Variants in SLC18A1 observed in about 807,000 individuals in gnomAD.
SLC18A1 encodes the protein solute carrier family 18 member A1.
SLC18A1 carries 69 observed loss-of-function variants against 53.7 expected under a neutral mutation model. That is an observed-to-expected ratio of 1.28 (90% CI 1.06 to 1.57). The LOEUF (loss-of-function observed/expected upper bound fraction) is 1.57. Among genes scored for constraint, SLC18A1 ranks in the 40% most tolerant of loss-of-function variants. The probability of loss-of-function intolerance (pLI) is 0.00; values close to 1 mark genes in which losing one functional copy is unlikely to be tolerated. For synonymous variants in SLC18A1, 320 were observed against 248.1 expected (o/e 1.29, Z -2.72); for missense variants, 932 against 668.1 (o/e 1.40, Z -4.35).
chr8:20,166,179 T>G (rs867072969), intron 8 of SLC18A1, among the ~76,000 whole-genome samples: 39 of 151,308 alleles, frequency 2.6e-4, no homozygotes, highest in African/African-American at 8.7e-4. Context: ...ATTACAGCAC[T>G]ATTTATAACT....
At chr8:20,159,051 C>A (rs909259826) in intron 10 of SLC18A1, among the ~76,000 whole-genome samples, 3 of 152,134 alleles carry the variant, frequency 2.0e-5, no homozygotes, top group Non-Finnish European at 4.4e-5. Flanking sequence ...TTGTCTCTTC[C>A]AGAATTGAAG....
chr8:20,153,148 T>C (rs117331749), intron 10 of SLC18A1, among the ~76,000 whole-genome samples: 2,402 of 152,284 alleles, frequency 0.016, 34 homozygotes, highest in Non-Finnish European at 0.024. Context: ...AGAAAGATTG[T>C]TGGACAATGT....
intron 8 of SLC18A1, among the ~76,000 whole-genome samples, chr8:20,167,347 AT>A (rs1263958232): frequency 1.1e-4 from 17 of 152,188 alleles, no homozygotes; most frequent in African/African-American, 3.4e-4. Flanking sequence ...GGTAAGTATT[AT>A]AGAATTATAC....
At chr8:20,149,995 C>G (rs2071509540) in intron 11 of SLC18A1, among the ~76,000 whole-genome samples, 1 of 152,194 alleles carries the variant, frequency 6.6e-6, no homozygotes, top group South Asian at 2.1e-4. Flanking sequence ...GAGGAATCAG[C>G]TGACTCAGGA....
At chr8:20,172,653 A>G (rs949173782) in intron 6 of SLC18A1, among the ~76,000 whole-genome samples, 1 of 152,148 alleles carries the variant, frequency 6.6e-6, no homozygotes, top group Non-Finnish European at 1.5e-5. Flanking sequence ...TTTCATCTCT[A>G]TAATGGGGAA....
Position 20,173,032 on chromosome 8 carries a change from T to C in SLC18A1, c.724+4A>G. The C allele has an allele frequency of 6.5e-7, 1 of 1,539,936 alleles. No individual in the cohort carries two copies. Among genetic ancestry groups the C allele is most frequent in the South Asian group, 1.2e-5 (1 of 85,636 alleles). Reference sequence around the variant, plus strand: ...AACCCAGAGCTCCAGCTGGTGCCACTTACCCAGCAACCCCAAGGCCAGGCC... The same window carrying C: ...AACCCAGAGCTCCAGCTGGTGCCACCTACCCAGCAACCCCAAGGCCAGGCC... On this transcript the variant is annotated splice_donor_region_variant and intron_variant, in intron 6 of 15. Transcript: ENST00000276373.
In SLC18A1 at chr8:20,149,575, TCTCTCTCTCTCTCC is replaced by T. The variant is rs1293576692; in HGVS notation, c.1146+87_1146+100del. ...TAGTCTTTAAATGTCTGTGTCTTTC[TCTCTCTCTCTCTCC>T]CTCTCTCTCTCTCTCTCTCTCTCTC... On this transcript the variant is annotated intron_variant, in intron 12 of 15. Coordinates refer to ENST00000276373, the MANE Select transcript of SLC18A1 (RefSeq NM_003053.4). 1,363 of 935,438 alleles carry T rather than the reference TCTCTCTCTCTCTCC, an allele frequency of 1.5e-3. 7 individuals carry two copies. In the African/African-American group the frequency reaches 0.023, roughly 16 times the overall value. 57.9% of individuals were successfully genotyped at this position (935,438 alleles called of 1,614,324 possible).
At chr8:20,149,368 T>C (rs2071486294) in intron 12 of SLC18A1, among the ~76,000 whole-genome samples, 2 of 152,002 alleles carry the variant, frequency 1.3e-5, no homozygotes, top group Admixed American at 1.3e-4. Context: ...TATGCCCACA[T>C]GTACAGCCTC....
intron 13 of SLC18A1, 109 bp from the exon 14 acceptor site, chr8:20,147,831 A>G: frequency 6.6e-7 from 1 of 1,509,908 alleles, no homozygotes; most frequent in South Asian, 1.3e-5. Context: ...TCTGCCTCGG[A>G]CTAACACCTG....
At position 20,145,753 on chromosome 8, in the gene SLC18A1, C is replaced by T. The variant is rs201635834; in HGVS notation, c.*10G>A. The T allele has an allele frequency of 3.8e-6, 6 of 1,559,018 alleles. No homozygotes were observed. Among genetic ancestry groups the T allele is most frequent in the Admixed American group, 3.5e-5 (2 of 57,822 alleles). On this transcript the variant is annotated 3_prime_UTR_variant, in exon 16 of 16. Transcript: ENST00000276373. ...TGAGGCATCATGAATTCAAGGAGCA[C>T]CTTCTGCTGCTACTCCTCATGGTCA... is the stretch of plus-strand genomic sequence containing the variant.
chr8:20,171,015 T>G (rs2072100996), intron 8 of SLC18A1, 88 bp downstream of exon 8: 4 of 1,326,858 alleles, frequency 3.0e-6, no homozygotes, highest in Non-Finnish European at 4.3e-6. Flanking sequence ...CTCTTCACTT[T>G]TCTTCTTATG....
intron 10 of SLC18A1, among the ~76,000 whole-genome samples, chr8:20,163,637 T>C (rs1331892814): frequency 6.6e-6 from 1 of 152,192 alleles, no homozygotes; most frequent in Non-Finnish European, 1.5e-5. Context: ...ACCAGCTATA[T>C]TAGCATCACC....
At chr8:20,147,841 G>T in intron 13 of SLC18A1, 119 bp from the exon 14 acceptor site, 1 of 1,490,770 alleles carries the variant, frequency 6.7e-7, no homozygotes, top group Non-Finnish European at 9.1e-7. Flanking sequence ...ACTAACACCT[G>T]TTCCAGGTGG....
intron 4 of SLC18A1, among the ~76,000 whole-genome samples, chr8:20,174,700 C>G (rs1319897309): frequency 6.6e-6 from 1 of 152,158 alleles, no homozygotes; most frequent in South Asian, 2.1e-4. Flanking sequence ...AAGGCTGAGT[C>G]TGTACATCTC....
rs778062517 is a variant in SLC18A1 at position 20,164,967 on chromosome 8, G to A, written c.920-3C>T. 2.5e-6 allele frequency: 4 copies of A among 1,613,916 alleles called. No individual in the cohort carries two copies. Among genetic ancestry groups the A allele is most frequent in the East Asian group, 2.2e-5 (1 of 44,870 alleles). The stretch of plus-strand genomic sequence containing the variant: ...CATGTTGGCAAAGCAGATGGACCCT[G>A]GGGAGACTGTTCTGTGAGCAGCCGT... On this transcript the variant is annotated splice_region_variant and splice_polypyrimidine_tract_variant and intron_variant, in intron 9 of 15. Coordinates refer to ENST00000276373, the MANE Select transcript of SLC18A1 (RefSeq NM_003053.4).
intron 4 of SLC18A1, among the ~76,000 whole-genome samples, chr8:20,177,640 AAAAAGAAAAG>A (rs760788199): frequency 5.3e-5 from 8 of 152,214 alleles, no homozygotes; most frequent in African/African-American, 1.2e-4. Flanking sequence ...AAGTATAATT[AAAAAGAAAAG>A]AAAAGAAAAG....
intron 4 of SLC18A1, among the ~76,000 whole-genome samples, chr8:20,177,035 T>C (rs961714200): frequency 6.6e-5 from 10 of 152,240 alleles, no homozygotes; most frequent in East Asian, 3.8e-4. Context: ...CTGGGCATTA[T>C]ACATGCACTG....
At chr8:20,178,227 A>G (rs2072301165) in intron 4 of SLC18A1, among the ~76,000 whole-genome samples, 1 of 152,168 alleles carries the variant, frequency 6.6e-6, no homozygotes, top group Non-Finnish European at 1.5e-5. Flanking sequence ...GTTCTTCTAT[A>G]GCAGAATAGA....
At chr8:20,171,581 G>A in intron 6 of SLC18A1, 87 bp from the exon 7 acceptor site, 2 of 1,048,504 alleles carry the variant, frequency 1.9e-6, no homozygotes, top group Non-Finnish European at 3.0e-6. Context: ...GTGAGCATTT[G>A]CAGAAGGCCT....
Sources: gnomAD v4.1 joint callset for allele counts (sites outside exome capture counted in the v4.1 genomes callset) on GRCh38, gnomAD v4.1.1 for gene constraint, MANE v1.5 for transcripts, NCBI Gene and HGNC (gene_info 2026-07-23, HGNC 2026-07-21) for gene names.